SHF: variants seen among roughly 807,000 people sequenced by gnomAD.
SHF encodes the protein SH2 domain-containing adapter protein F.
A neutral mutation model predicts 42.4 loss-of-function variants in SHF; 30 were observed. That is an observed-to-expected ratio of 0.71 (90% CI 0.53 to 0.96). The LOEUF is 0.96. SHF is among the 40% of genes least tolerant of loss of function. SHF has a pLI of 0.00. For missense variants in SHF, 598 were observed against 634.0 expected, an observed-to-expected ratio of 0.94 and a Z score of 0.61; for synonymous variants, 264 against 269.9, an observed-to-expected ratio of 0.98 and a Z score of 0.21.
chr15:45,183,617 A>C (rs1469475768), intron 1 of SHF, among the ~76,000 whole-genome samples: 1 of 152,166 alleles, frequency 6.6e-6, no homozygotes, highest in Middle Eastern at 3.2e-3. Flanking sequence ...GTATCCTCCA[A>C]GTCCTGGGCC....
Position 45,196,711 on chromosome 15 carries a change from C to T in SHF, c.303+2061G>A, listed in dbSNP as rs1898874145. Among the ~76,000 whole-genome samples the T allele has an allele frequency of 2.0e-5, 3 of 151,986 alleles. No homozygotes were observed. In the South Asian group the frequency reaches 6.2e-4, roughly 32 times the overall value. On this transcript the variant is annotated intron_variant, in intron 2 of 7. Transcript: ENST00000290894. The stretch of plus-strand genomic sequence containing the variant: ...AGGAGATCGAGACCATCCTGGCTAA[C>T]ACGGTGAAACCCTGTCTCTACTAAA...
chr15:45,181,427 T>C (rs1291107540), intron 1 of SHF, among the ~76,000 whole-genome samples: 1 of 152,244 alleles, frequency 6.6e-6, no homozygotes, highest in Non-Finnish European at 1.5e-5. Flanking sequence ...TTCCTGTGGC[T>C]TCTAGGTCCC....
At position 45,196,866 on chromosome 15, in the gene SHF, A is replaced by C. The variant is rs1227550191; in HGVS notation, c.303+1906T>G. 2.0e-5 allele frequency among the ~76,000 whole-genome samples: 3 copies of C among 146,882 alleles called. No individual in the cohort carries two copies. The East Asian group carries it at 6.1e-4, about 30-fold the overall frequency. ...GTGAGCCAAGATTGCACCACTCTGC[A>C]CTCCAGCCTGGGTGACAGAGCAAGA... is the stretch of plus-strand genomic sequence containing the variant. On this transcript the variant is annotated intron_variant, in intron 2 of 7. Transcript: ENST00000290894.
In SHF at chr15:45,175,219, C is replaced by T. The variant is rs1485679484; in HGVS notation, c.847G>A (p.Val283Ile). 2 of 1,607,862 alleles carry T rather than the reference C, an allele frequency of 1.2e-6. No homozygotes were observed. Among genetic ancestry groups the T allele is most frequent in the East Asian group, 4.5e-5 (2 of 44,768 alleles). The change falls in exon 3 of 7, where the codon GTT becomes ATT. Residue 283 changes from valine (V) to isoleucine (I), a missense_variant and splice_region_variant. Physicochemically the swap from Val to Ile is conservative, Grantham distance 29. Transcript: ENST00000690270. The stretch of plus-strand genomic sequence containing the variant: ...ACCTGCCCTCTCCACCAGGACTCAC[C>T]TGCAAAGGCTTTGGAAATCCGCTCC... ...KKERISKAFA[V>I]DIKVIKDLPW...
At chr15:45,170,223 G>GT in intron 6 of SHF, 1 of 546,704 alleles carries the variant, frequency 1.8e-6, no homozygotes. Flanking sequence ...TCAAATCCTG[G>GT]TTTGGGGACT....
At chr15:45,200,931 T>G (rs1899070383) in exon 1 of SHF, 1 of 450,152 alleles carries the variant, frequency 2.2e-6, no homozygotes, top group Non-Finnish European at 4.5e-6. Flanking sequence ...ATCCTTTGGT[T>G]GCAAAGCACT....
chr15:45,188,277 C>T (rs938945746), upstream of SHF, among the ~76,000 whole-genome samples: 1 of 152,224 alleles, frequency 6.6e-6, no homozygotes, highest in African/African-American at 2.4e-5. Flanking sequence ...GTTCTTTTCC[C>T]CAGCTCCCAG....
chr15:45,176,840 G>A (rs983561594), intron 2 of SHF, among the ~76,000 whole-genome samples: 3 of 152,152 alleles, frequency 2.0e-5, no homozygotes, highest in Non-Finnish European at 4.4e-5. Context: ...CACACCCTCT[G>A]ACCTAAATGG....
At chr15:45,198,643 A>G (rs1457795967) in intron 2 of SHF, 4 of 1,201,836 alleles carry the variant, frequency 3.3e-6, no homozygotes, top group Non-Finnish European at 3.4e-6. Context: ...TGCTGCGGCC[A>G]CAACGCAGAG....
At chr15:45,187,120 G>T (rs371907779) in intron 1 of SHF, among the ~76,000 whole-genome samples, 25 of 152,376 alleles carry the variant, frequency 1.6e-4, no homozygotes, top group Middle Eastern at 3.4e-3. Flanking sequence ...GGGGTTGGGA[G>T]GTGCGCCTCA....
At chr15:45,179,526 C>T (rs1458800369) in intron 1 of SHF, among the ~76,000 whole-genome samples, 2 of 152,232 alleles carry the variant, frequency 1.3e-5, no homozygotes, top group East Asian at 1.9e-4. Flanking sequence ...TGCCATTCAT[C>T]GCACAGTGAA....
intron 1 of SHF, among the ~76,000 whole-genome samples, chr15:45,179,410 G>A (rs1424662528): frequency 6.6e-6 from 1 of 152,206 alleles, no homozygotes; most frequent in East Asian, 1.9e-4. Flanking sequence ...AAGTCCCTGT[G>A]GCTCCTGGAG....
intron 4 of SHF, among the ~76,000 whole-genome samples, chr15:45,172,578 A>G (rs1016313468): frequency 1.3e-5 from 2 of 152,130 alleles, no homozygotes; most frequent in African/African-American, 2.4e-5. Context: ...AGAGCAGAGG[A>G]GCAACCTGAG....
At chr15:45,191,642 A>C (rs902222148), upstream of SHF, among the ~76,000 whole-genome samples, 2 of 152,220 alleles carry the variant, frequency 1.3e-5, no homozygotes, top group African/African-American at 4.8e-5. Flanking sequence ...TCTTATTCTT[A>C]GTTTTATATA....
chr15:45,168,294 G>GGGT (rs1897315212), intron 6 of SHF, among the ~76,000 whole-genome samples, 161 bp from the exon 7 acceptor site: 1 of 152,186 alleles, frequency 6.6e-6, no homozygotes. Context: ...CAGAAAGCAG[G>GGGT]GGTGGTGGTG....
intron 6 of SHF, 70 bp downstream of exon 6, chr15:45,171,813 C>T: frequency 6.6e-7 from 1 of 1,525,772 alleles, no homozygotes; most frequent in Non-Finnish European, 8.9e-7. Flanking sequence ...CTTGGTTGGG[C>T]ATAAGGGGAA....
intron 1 of SHF, among the ~76,000 whole-genome samples, chr15:45,186,639 C>G (rs1456231785): frequency 6.6e-6 from 1 of 152,216 alleles, no homozygotes; most frequent in East Asian, 1.9e-4. Context: ...TGCCTGCAGA[C>G]CCAGGAAAAG....
At chr15:45,198,990 T>C in exon 2 of SHF, 2 of 1,612,618 alleles carry the variant, frequency 1.2e-6, no homozygotes, top group Non-Finnish European at 1.7e-6. Flanking sequence ...GCCCGTTTCC[T>C]ATGCCCCGGA....
At chr15:45,198,446 T>C (rs1225216616) in intron 2 of SHF, 1 of 294,910 alleles carries the variant, frequency 3.4e-6, no homozygotes, top group African/African-American at 2.1e-5. Flanking sequence ...TATCAGAGCA[T>C]TACATGAGAG....
Sources: allele counts gnomAD v4.1 joint callset (sites outside exome capture counted in the v4.1 genomes callset), GRCh38; gene constraint gnomAD v4.1.1; transcripts MANE v1.5; gene names NCBI Gene and HGNC (gene_info 2026-07-23, HGNC 2026-07-21).